The following EXOC6B variants were observed in gnomAD, a reference collection of about 807,000 sequenced individuals.
EXOC6B encodes the protein SEC15 homolog B.
Under a neutral mutation model 113.5 loss-of-function variants are expected in EXOC6B, and 54 were observed. The ratio of observed to expected loss-of-function variants is 0.48; its 90% CI spans 0.38 to 0.60. The LOEUF (loss-of-function observed/expected upper bound fraction) is 0.60, where lower values mean the gene tolerates loss of function less well. Among genes scored for constraint, EXOC6B ranks in the 20% least tolerant of loss-of-function variants. The pLI is 0.00. For missense variants in EXOC6B, 797 were observed against 977.5 expected (o/e 0.82, Z 2.46); for synonymous variants, 357 against 339.0 (o/e 1.05, Z -0.58).
chr2:72,403,019 C>T (rs982778904), intron 18 of EXOC6B, among the ~76,000 whole-genome samples: 27 of 152,218 alleles, frequency 1.8e-4, no homozygotes, highest in African/African-American at 6.0e-4. Flanking sequence ...AAACACAAGT[C>T]CCAGTCATTG....
chr2:72,364,189 T>C (rs933230084), intron 19 of EXOC6B, among the ~76,000 whole-genome samples: 1 of 152,004 alleles, frequency 6.6e-6, no homozygotes, highest in African/African-American at 2.4e-5. Flanking sequence ...TTCTTTAAGA[T>C]TTTTTTATAG....
At chr2:72,417,474 C>T (rs982954379) in intron 18 of EXOC6B, among the ~76,000 whole-genome samples, 5 of 152,160 alleles carry the variant, frequency 3.3e-5, no homozygotes, top group Non-Finnish European at 7.4e-5. Flanking sequence ...TTGGTCATTT[C>T]TGTTTCTTTT....
intron 18 of EXOC6B, among the ~76,000 whole-genome samples, chr2:72,398,420 G>C (rs1415445808): frequency 6.6e-6 from 1 of 152,118 alleles, no homozygotes; most frequent in East Asian, 1.9e-4. Context: ...TCTCAGGACA[G>C]GCCTGGTGGC....
At chr2:72,710,303 G>T (rs1022981846) in intron 6 of EXOC6B, among the ~76,000 whole-genome samples, 5 of 152,016 alleles carry the variant, frequency 3.3e-5, no homozygotes, top group African/African-American at 1.2e-4. Context: ...CTCAATATCA[G>T]TAAAGAGACA....
intron 6 of EXOC6B, among the ~76,000 whole-genome samples, chr2:72,687,755 C>G (rs1023380389): frequency 6.6e-6 from 1 of 152,172 alleles, no homozygotes; most frequent in Non-Finnish European, 1.5e-5. Context: ...GTCCCTCTCT[C>G]ACCACAGCAA....
chr2:72,644,946 C>T (rs140343486), intron 6 of EXOC6B, among the ~76,000 whole-genome samples: 1,743 of 152,214 alleles, frequency 0.011, 22 homozygotes, highest in Non-Finnish European at 0.017. Flanking sequence ...CAATATTAAC[C>T]TTAAATGTAA....
At chr2:72,470,661 C>T (rs1464633507) in intron 17 of EXOC6B, among the ~76,000 whole-genome samples, 1 of 144,040 alleles carries the variant, frequency 6.9e-6, no homozygotes, top group Non-Finnish European at 1.5e-5. Context: ...TGTTCCCCTT[C>T]CTGTGTCCAT....
chr2:72,484,050 C>A (rs1165151273), intron 16 of EXOC6B, among the ~76,000 whole-genome samples: 1 of 151,992 alleles, frequency 6.6e-6, no homozygotes, highest in Admixed American at 6.6e-5. Flanking sequence ...AAGTGAAAAA[C>A]CATTAAGAAT....
intron 6 of EXOC6B, among the ~76,000 whole-genome samples, chr2:72,623,844 A>C (rs751179601): frequency 6.6e-6 from 1 of 152,256 alleles, no homozygotes; most frequent in South Asian, 2.1e-4. Context: ...TTCTATTCCT[A>C]TTCTTGCTGT....
chr2:72,729,290 C>T (rs552799594), intron 5 of EXOC6B, among the ~76,000 whole-genome samples: 2 of 151,312 alleles, frequency 1.3e-5, no homozygotes, highest in East Asian at 3.9e-4. Flanking sequence ...TATATATATA[C>T]CTCTTTCTGT....
At chr2:72,648,920 G>A (rs1395030225) in intron 6 of EXOC6B, among the ~76,000 whole-genome samples, 1 of 152,116 alleles carries the variant, frequency 6.6e-6, no homozygotes, top group African/African-American at 2.4e-5. Context: ...GAGGCAGGAG[G>A]ATCACTTGAT....
intron 19 of EXOC6B, among the ~76,000 whole-genome samples, chr2:72,354,440 A>G (rs938570145): frequency 6.6e-6 from 1 of 152,224 alleles, no homozygotes; most frequent in Non-Finnish European, 1.5e-5. Context: ...TCAGGGTTAG[A>G]GCAGCATGAT....
At position 72,671,787 on chromosome 2, in the gene EXOC6B, G is replaced by GAAAGAAAGAAAGAA. The variant is rs1553464053; in HGVS notation, c.669+46302_669+46315dup. ...AGAAAGAAAGAAAGAAAGAAAGAAAGAAAGAAAGAAAGAAAGAAAGAAAGA... is the reference window on the plus strand; with the variant it reads ...AGAAAGAAAGAAAGAAAGAAAGAAAGAAAGAAAGAAAGAAAAAGAAAGAAAGAAAGAAAGAAAGA... On this transcript the variant is annotated intron_variant, in intron 6 of 21. Transcript: ENST00000272427. 2.5e-3 allele frequency among the ~76,000 whole-genome samples: 262 copies of GAAAGAAAGAAAGAA among 104,920 alleles called. 6 individuals are homozygous for GAAAGAAAGAAAGAA. Among genetic ancestry groups the GAAAGAAAGAAAGAA allele is most frequent in the African/African-American group, 0.012 (236 of 20,258 alleles). The allele number at this position is 104,920 out of a possible 152,430, so 68.8% of individuals were successfully genotyped here.
At chr2:72,415,461 G>C (rs1288628190) in intron 18 of EXOC6B, among the ~76,000 whole-genome samples, 1 of 151,030 alleles carries the variant, frequency 6.6e-6, no homozygotes, top group Non-Finnish European at 1.5e-5. Flanking sequence ...CCTGAACACT[G>C]TTAAAAATAT....
chr2:72,398,713 A>AG (rs1445352688), intron 18 of EXOC6B, among the ~76,000 whole-genome samples: 1 of 135,908 alleles, frequency 7.4e-6, no homozygotes, highest in African/African-American at 3.4e-5. Flanking sequence ...AAAAAAAAAA[A>AG]CTGTCTCTCT....
chr2:72,727,879 ATCCAAAGTATATAAT>A (rs1188324784), intron 5 of EXOC6B, among the ~76,000 whole-genome samples: 1 of 152,200 alleles, frequency 6.6e-6, no homozygotes, highest in East Asian at 1.9e-4. Flanking sequence ...AGGAAAAGGC[ATCCAAAGTATATAAT>A]TCCTATAAAT....
Position 72,533,628 on chromosome 2 carries a change from T to A in EXOC6B, c.916-18502A>T, listed in dbSNP as rs535455837. On this transcript the variant is annotated intron_variant, in intron 8 of 21. Coordinates refer to ENST00000272427, the MANE Select transcript of EXOC6B (RefSeq NM_015189.3). ...TCTTTCTCCAGGTCCTTGTATCTGATTTCCAAGTTCTTGCCAATATTAGAA... is the reference window on the plus strand; with the variant it reads ...TCTTTCTCCAGGTCCTTGTATCTGAATTCCAAGTTCTTGCCAATATTAGAA... 7.0e-4 allele frequency among the ~76,000 whole-genome samples: 107 copies of A among 152,324 alleles called. 1 individual carries two copies. Among genetic ancestry groups the A allele is most frequent in the African/African-American group, 2.1e-3 (89 of 41,574 alleles).
chr2:72,497,959 T>C (rs564945939), intron 13 of EXOC6B, among the ~76,000 whole-genome samples: 3 of 152,328 alleles, frequency 2.0e-5, no homozygotes, highest in Admixed American at 6.5e-5. Flanking sequence ...CTTCAAACAC[T>C]GGGCTGTAAT....
intron 19 of EXOC6B, among the ~76,000 whole-genome samples, chr2:72,350,278 A>T (rs1482536759): frequency 1.3e-5 from 2 of 152,146 alleles, no homozygotes; most frequent in Non-Finnish European, 2.9e-5. Context: ...AGAAGTTAAC[A>T]TTTTCTATAT....
Sources: gnomAD v4.1 joint callset for allele counts (sites outside exome capture counted in the v4.1 genomes callset) on GRCh38, gnomAD v4.1.1 for gene constraint, MANE v1.5 for transcripts, NCBI Gene and HGNC (gene_info 2026-07-23, HGNC 2026-07-21) for gene names.